The following STX3 variants were observed in gnomAD, a reference collection of about 807,000 sequenced individuals.
The protein encoded by STX3 is syntaxin-3.
In STX3, 19 loss-of-function variants were observed where a neutral mutation model predicts 40.2. That is an observed-to-expected ratio of 0.47 (90% CI 0.33 to 0.69). STX3 has a LOEUF of 0.69. Among genes scored for constraint, STX3 ranks in the 30% least tolerant of loss-of-function variants. The pLI is 0.02. For synonymous variants in STX3, 122 were observed against 132.2 expected, an observed-to-expected ratio of 0.92 and a Z score of 0.53; for missense variants, 364 against 366.7, an observed-to-expected ratio of 0.99 and a Z score of 0.06.
rs79168170 is a variant in STX3, at chr11:59,787,888, C to G, written c.214+752C>G. ...GAACAAGCCTGACACTGTCATTCCA[C>G]TCTTTCATTTTTCCCATGGGCCCTC... On this transcript the variant is annotated intron_variant, in intron 3 of 10. Transcript: ENST00000337979. 1.4e-3 allele frequency among the ~76,000 whole-genome samples: 219 copies of G among 152,232 alleles called. 5 individuals are homozygous for G. In the East Asian group the frequency reaches 0.039, roughly 27 times the overall value.
Position 59,802,304 on chromosome 11 carries a change from A to T in STX3, c.*1480A>T. On this transcript the variant is annotated 3_prime_UTR_variant, in exon 11 of 11. Transcript: ENST00000337979. The stretch of plus-strand genomic sequence containing the variant: ...GTGCTAACCCAGTGGTAAATCCCTT[A>T]GATCCCCTGCTGGTCTCTGGCAGTC... 1 of 985,494 alleles carries T rather than the reference A, an allele frequency of 1.0e-6. No individual in the cohort carries two copies. Among genetic ancestry groups the T allele is most frequent in the South Asian group, 4.7e-5 (1 of 21,290 alleles). The allele number at this position is 985,494 out of a possible 1,614,324, so 61.0% of individuals were successfully genotyped here. A position where few individuals can be genotyped will look rare whatever the true frequency, so the allele number is the denominator to read the frequency against.
At chr11:59,773,076 C>T (rs1313633130) in intron 1 of STX3, 135 bp from the exon 2 acceptor site, 9 of 778,042 alleles carry the variant, frequency 1.2e-5, no homozygotes, top group Non-Finnish European at 1.9e-5. Flanking sequence ...TTTGATATAT[C>T]AGAGAGCTGT....
rs902080373 is a variant in STX3, at chr11:59,773,196, T to C, written c.31-15T>C. ...GTGTTTTTAGCCTCACTCTGCTCTT[T>C]TTTGCCTTTTGCAGAAGCAGCTGAC... is the stretch of plus-strand genomic sequence containing the variant. On this transcript the variant is annotated splice_polypyrimidine_tract_variant and intron_variant, in intron 1 of 10. Transcript: ENST00000337979. The C allele has an allele frequency of 1.2e-6, 2 of 1,613,856 alleles. No individual in the cohort carries two copies. Among genetic ancestry groups the C allele is most frequent in the South Asian group, 2.2e-5 (2 of 91,042 alleles).
intron 8 of STX3, among the ~76,000 whole-genome samples, chr11:59,793,977 T>TAAA (rs1442096246): frequency 6.6e-6 from 1 of 152,152 alleles, no homozygotes; most frequent in African/African-American, 2.4e-5. Flanking sequence ...GGTGACGTTT[T>TAAA]AAAACAGCCT....
intron 1 of STX3, among the ~76,000 whole-genome samples, chr11:59,759,350 C>T (rs1054266540): frequency 5.3e-5 from 8 of 152,148 alleles, no homozygotes; most frequent in African/African-American, 1.4e-4. Flanking sequence ...TCAGCAGGGT[C>T]GCATGTGCAT....
chr11:59,770,515 C>T (rs1266236750), intron 1 of STX3, among the ~76,000 whole-genome samples: 1 of 151,988 alleles, frequency 6.6e-6, no homozygotes, highest in Non-Finnish European at 1.5e-5. Context: ...GACTCACTCT[C>T]CTAGAGGAAG....
At chr11:59,783,369 T>C (rs1864540793) in intron 2 of STX3, among the ~76,000 whole-genome samples, 1 of 152,222 alleles carries the variant, frequency 6.6e-6, no homozygotes, top group African/African-American at 2.4e-5. Flanking sequence ...GTTTTGCCTC[T>C]TTCTGCAGTA....
At chr11:59,765,318 C>T (rs71486459) in intron 1 of STX3, among the ~76,000 whole-genome samples, 2,490 of 152,282 alleles carry the variant, frequency 0.016, 28 homozygotes, top group Non-Finnish European at 0.028. Flanking sequence ...TGAGAACCTA[C>T]ACTCAGAATT....
chr11:59,795,034 C>G (rs973962874), intron 8 of STX3, among the ~76,000 whole-genome samples: 20 of 152,178 alleles, frequency 1.3e-4, no homozygotes, highest in African/African-American at 4.6e-4. Context: ...TTTGGTTCCT[C>G]TCCATGTGCT....
chr11:59,788,869 C>G lies in STX3; in HGVS notation c.215-4C>G. 1 of 1,611,204 alleles carries G rather than the reference C, an allele frequency of 6.2e-7. No individual in the cohort carries two copies. The highest frequency in any genetic ancestry group is 1.7e-5 in the Admixed American group (1 of 59,582). On this transcript the variant is annotated splice_polypyrimidine_tract_variant and splice_region_variant and intron_variant, in intron 3 of 10. Transcript: ENST00000337979. Reference sequence around the variant, plus strand: ...ACGGATTCTGCCTGCCTTTATTTACCCAGAAACCAAGGATGACCTAGAGCA... The same window carrying G: ...ACGGATTCTGCCTGCCTTTATTTACGCAGAAACCAAGGATGACCTAGAGCA...
chr11:59,795,801 C>A, intron 9 of STX3: 1 of 1,151,668 alleles, frequency 8.7e-7, no homozygotes, highest in Non-Finnish European at 1.2e-6. Context: ...TTCTTGAGCC[C>A]ATGCCTCCCT....
chr11:59,795,496 G>A lies in STX3; in HGVS notation c.786+14G>A. The A allele has an allele frequency of 6.2e-7, 1 of 1,604,162 alleles. No individual in the cohort carries two copies. The highest frequency in any genetic ancestry group is 8.5e-7 in the Non-Finnish European group (1 of 1,175,002). On this transcript the variant is annotated intron_variant, in intron 9 of 10. Coordinates refer to ENST00000337979, the MANE Select transcript of STX3 (RefSeq NM_004177.5). ...CAGGCCCGGAAGGTGAGACTCTCCT[G>A]TGGCCTTCAGAGAAGAGAGTCCATT... is the stretch of plus-strand genomic sequence containing the variant.
rs1470808141 is a variant in STX3, at chr11:59,801,858, T to C, written c.*1034T>C. The C allele has an allele frequency of 3.0e-6, 3 of 984,334 alleles. No individual in the cohort carries two copies. The East Asian group carries it at 3.4e-4, about 112-fold the overall frequency. The allele number at this position is 984,334 out of a possible 1,614,324, so 61.0% of individuals were successfully genotyped here. On this transcript the variant is annotated 3_prime_UTR_variant, in exon 11 of 11. Coordinates refer to ENST00000337979, the MANE Select transcript of STX3 (RefSeq NM_004177.5). ...AGCCAACTTTGAGCTAGGATAAAAATTGGGTAAAGGACATTTGCTTACCTG... is the reference window on the plus strand; with the variant it reads ...AGCCAACTTTGAGCTAGGATAAAAACTGGGTAAAGGACATTTGCTTACCTG...
intron 1 of STX3, among the ~76,000 whole-genome samples, chr11:59,760,043 C>G (rs1341218055): frequency 2.6e-5 from 4 of 152,178 alleles, no homozygotes; most frequent in Non-Finnish European, 5.9e-5. Context: ...AGGATTCATT[C>G]TCTGGAAGAG....
chr11:59,760,385 G>A (rs1467618940), intron 1 of STX3, among the ~76,000 whole-genome samples: 1 of 150,768 alleles, frequency 6.6e-6, no homozygotes, highest in Non-Finnish European at 1.5e-5. Context: ...CTCACGGGGT[G>A]CATGTTGCTT....
Position 59,786,995 on chromosome 11 carries a change from C to T in STX3, c.115-42C>T, listed in dbSNP as rs377574696. 11 of 1,562,366 alleles carry T rather than the reference C, an allele frequency of 7.0e-6. No homozygotes were observed. In the African/African-American group the frequency reaches 1.5e-4, roughly 21 times the overall value. ...CGTTTATCTCAGCCATGGACCTGTA[C>T]TTCCTCTTTGATGATGAAGGTTATT... On this transcript the variant is annotated intron_variant, in intron 2 of 10. Transcript: ENST00000337979.
intron 1 of STX3, among the ~76,000 whole-genome samples, chr11:59,769,829 CGTGTGT>C (rs148844771): frequency 1.5e-4 from 22 of 148,448 alleles, no homozygotes; most frequent in Non-Finnish European, 2.4e-4. Context: ...ATAGTGTACA[CGTGTGT>C]GTGTGTGTGT....
Position 59,755,380 on chromosome 11 carries a change from T to G in STX3, c.-226T>G, listed in dbSNP as rs565374444. The G allele has an allele frequency of 1.4e-5, 5 of 360,264 alleles. No homozygotes were observed. The highest frequency in any genetic ancestry group is 9.6e-6 in the Non-Finnish European group (2 of 208,658). The allele number at this position is 360,264 out of a possible 1,614,324, so 22.3% of individuals were successfully genotyped here. A position where few individuals can be genotyped will look rare whatever the true frequency, so the allele number is the denominator to read the frequency against. ...GCCGGCGCCGGCCCGGGAGCCGGAT[T>G]TGGAGCGCGAGGCGCCGGTGGGGGC... is the stretch of plus-strand genomic sequence containing the variant. On this transcript the variant is annotated 5_prime_UTR_variant, in exon 1 of 11. In the 5' UTR this introduces an upstream ATG that the reference lacks. Coordinates refer to ENST00000337979, the MANE Select transcript of STX3 (RefSeq NM_004177.5).
intron 9 of STX3, among the ~76,000 whole-genome samples, chr11:59,795,980 T>C (rs1363535987): frequency 1.3e-5 from 2 of 152,194 alleles, no homozygotes; most frequent in East Asian, 3.8e-4. Flanking sequence ...GTGGTGCTGC[T>C]AATCTTCTCC....
Sources: gnomAD v4.1 joint callset for allele counts (sites outside exome capture counted in the v4.1 genomes callset) on GRCh38, gnomAD v4.1.1 for gene constraint, MANE v1.5 for transcripts, NCBI Gene and HGNC (gene_info 2026-07-23, HGNC 2026-07-21) for gene names.